The following GALNT17 variants were observed in gnomAD, a reference collection of about 807,000 sequenced individuals.
The protein encoded by GALNT17 is UDP-GalNAc:polypeptide N-acetylgalactosaminyltransferase-like 3.
In GALNT17, 29 loss-of-function variants were observed where a neutral mutation model predicts 63.7. The observed-to-expected ratio is 0.46, with a 90% confidence interval of 0.34 to 0.62. The LOEUF is 0.62. Ranked by LOEUF, GALNT17 falls within the 20% of genes least tolerant of loss-of-function variation. The probability of loss-of-function intolerance (pLI) is 0.01; values close to 1 mark genes in which losing one functional copy is unlikely to be tolerated. For synonymous variants in GALNT17, 305 were observed against 318.3 expected, an observed-to-expected ratio of 0.96 and a Z score of 0.45; for missense variants, 603 against 799.6, an observed-to-expected ratio of 0.75 and a Z score of 2.97.
chr7:71,366,360 A>C (rs1792507748), intron 2 of GALNT17, among the ~76,000 whole-genome samples: 1 of 152,104 alleles, frequency 6.6e-6, no homozygotes, highest in Non-Finnish European at 1.5e-5. Flanking sequence ...AGGCGAGTGG[A>C]TCACGAAGTC....
intron 1 of GALNT17, among the ~76,000 whole-genome samples, chr7:71,323,640 A>C (rs1192891784): frequency 6.6e-6 from 1 of 152,176 alleles, no homozygotes; most frequent in African/African-American, 2.4e-5. Context: ...CTAGGGAATC[A>C]ATGATGATTT....
At chr7:71,661,972 C>T (rs372491874) in intron 6 of GALNT17, among the ~76,000 whole-genome samples, 7 of 152,196 alleles carry the variant, frequency 4.6e-5, no homozygotes, top group East Asian at 1.9e-4. Context: ...AGGGCTAACA[C>T]AGCCAACATA....
intron 1 of GALNT17, among the ~76,000 whole-genome samples, chr7:71,317,921 A>T (rs1791529481): frequency 6.6e-6 from 1 of 151,752 alleles, no homozygotes; most frequent in Admixed American, 6.6e-5. Flanking sequence ...ATTATTCATA[A>T]TTTTTGGGGT....
At chr7:71,308,541 C>G (rs1791351433) in intron 1 of GALNT17, among the ~76,000 whole-genome samples, 1 of 152,088 alleles carries the variant, frequency 6.6e-6, no homozygotes. Context: ...AGCATCCTCT[C>G]TTTGTTAGGC....
chr7:71,201,241 TTA>T (rs760770848), intron 1 of GALNT17, among the ~76,000 whole-genome samples: 13 of 138,402 alleles, frequency 9.4e-5, no homozygotes, highest in South Asian at 8.9e-4. Context: ...GTGTTTATTT[TTA>T]TATATATATA....
intron 9 of GALNT17, among the ~76,000 whole-genome samples, chr7:71,687,836 C>T (rs185856267): frequency 1.3e-5 from 2 of 152,286 alleles, no homozygotes; most frequent in Non-Finnish European, 2.9e-5. Flanking sequence ...TCCCAGACTA[C>T]AGGTGCACAC....
At chr7:71,676,713 A>C (rs931451987) in intron 8 of GALNT17, among the ~76,000 whole-genome samples, 3 of 152,164 alleles carry the variant, frequency 2.0e-5, no homozygotes, top group Non-Finnish European at 2.9e-5. Context: ...GCCTTTATGC[A>C]AATAATGACC....
At chr7:71,239,387 A>G (rs1439217984) in intron 1 of GALNT17, among the ~76,000 whole-genome samples, 2 of 152,140 alleles carry the variant, frequency 1.3e-5, no homozygotes, top group Non-Finnish European at 2.9e-5. Context: ...CAAAAGGATC[A>G]CTTGAGCCCA....
chr7:71,326,060 A>G (rs1791698821), intron 1 of GALNT17, among the ~76,000 whole-genome samples: 1 of 152,130 alleles, frequency 6.6e-6, no homozygotes, highest in African/African-American at 2.4e-5. Flanking sequence ...TTTTAAAACA[A>G]TTCTAAATTT....
At position 71,581,191 on chromosome 7, in the gene GALNT17, G is replaced by A. The variant is rs142569141; in HGVS notation, c.1080+9789G>A. On this transcript the variant is annotated intron_variant, in intron 6 of 10. Transcript: ENST00000333538. The stretch of plus-strand genomic sequence containing the variant: ...TGTTTTGATTGAGACATAGTCTCTC[G>A]CCCTGTCACCCAGGCTGGAGTACAG... Among the ~76,000 whole-genome samples, 764 of 152,128 alleles carry A rather than the reference G, an allele frequency of 5.0e-3. 9 individuals are homozygous for A. Among genetic ancestry groups the A allele is most frequent in the African/African-American group, 0.017 (689 of 41,508 alleles).
intron 3 of GALNT17, among the ~76,000 whole-genome samples, chr7:71,398,034 T>G (rs1793171775): frequency 6.6e-6 from 1 of 152,146 alleles, no homozygotes; most frequent in South Asian, 2.1e-4. Context: ...TCTTTTTTCC[T>G]TTCTGGAAGC....
chr7:71,154,142 A>G (rs1007474108), intron 1 of GALNT17, among the ~76,000 whole-genome samples: 1 of 152,000 alleles, frequency 6.6e-6, no homozygotes, highest in African/African-American at 2.4e-5. Flanking sequence ...CTCTTCAGGG[A>G]CATGGATCTT....
chr7:71,498,792 T>C (rs1376147939), intron 5 of GALNT17, among the ~76,000 whole-genome samples: 1 of 152,188 alleles, frequency 6.6e-6, no homozygotes, highest in African/African-American at 2.4e-5. Flanking sequence ...GAGAAGAATG[T>C]TCTTGCAGAA....
chr7:71,269,486 T>G (rs779821286), intron 1 of GALNT17, among the ~76,000 whole-genome samples: 1 of 152,094 alleles, frequency 6.6e-6, no homozygotes, highest in Non-Finnish European at 1.5e-5. Flanking sequence ...AAGCCTTTGC[T>G]TCCCTTGCTC....
rs141164929 is a variant in GALNT17, at chr7:71,178,780, C to T, written c.238+45740C>T. On this transcript the variant is annotated intron_variant, in intron 1 of 10. Coordinates refer to ENST00000333538, the MANE Select transcript of GALNT17 (RefSeq NM_022479.3). ...GTTCATTCATTGTGTATATATTTTT[C>T]ATTTAAAATTCTTGGACGTATGTAT... Among the ~76,000 whole-genome samples the T allele has an allele frequency of 6.4e-3, 970 of 152,208 alleles. 15 individuals are homozygous for T. Among genetic ancestry groups the T allele is most frequent in the African/African-American group, 0.022 (914 of 41,546 alleles).
At chr7:71,701,841 GTGTATATATA>G (rs1562742447) in intron 9 of GALNT17, among the ~76,000 whole-genome samples, 1 of 10,788 alleles carries the variant, frequency 9.3e-5, no homozygotes, top group Non-Finnish European at 2.3e-4. Flanking sequence ...ATATATATAT[GTGTATATATA>G]TATACACATA....
intron 5 of GALNT17, among the ~76,000 whole-genome samples, chr7:71,448,712 C>T (rs1419225870): frequency 6.6e-6 from 1 of 152,072 alleles, no homozygotes; most frequent in Admixed American, 6.6e-5. Context: ...AATGTTGAAT[C>T]AGAGAATACA....
intron 5 of GALNT17, among the ~76,000 whole-genome samples, chr7:71,517,155 C>T (rs1023000433): frequency 6.6e-6 from 1 of 152,322 alleles, no homozygotes; most frequent in East Asian, 1.9e-4. Flanking sequence ...TCTCACAGTT[C>T]TGAGGCTGGG....
chr7:71,538,184 C>T (rs1011064689), intron 5 of GALNT17, among the ~76,000 whole-genome samples: 1 of 152,196 alleles, frequency 6.6e-6, no homozygotes, highest in African/African-American at 2.4e-5. Context: ...GTACTTAGAA[C>T]ACTTCGAGTG....
Sources: gnomAD v4.1 joint callset for allele counts (sites outside exome capture counted in the v4.1 genomes callset) on GRCh38, gnomAD v4.1.1 for gene constraint, MANE v1.5 for transcripts, NCBI Gene and HGNC (gene_info 2026-07-23, HGNC 2026-07-21) for gene names.